The following ARPC1A variants were observed in gnomAD, a reference collection of about 807,000 sequenced individuals.
The protein encoded by ARPC1A is actin related protein 2/3 complex subunit 1A.
ARPC1A carries 8 observed loss-of-function variants against 46.9 expected under a neutral mutation model. The ratio of observed to expected loss-of-function variants is 0.17; its 90% CI spans 0.10 to 0.31. ARPC1A has a LOEUF of 0.31. Among genes scored for constraint, ARPC1A ranks in the 10% least tolerant of loss-of-function variants. The probability of loss-of-function intolerance (pLI) is 1.00; values close to 1 mark genes in which losing one functional copy is unlikely to be tolerated. For synonymous variants in ARPC1A, 152 were observed against 169.0 expected, an observed-to-expected ratio of 0.90 and a Z score of 0.78; for missense variants, 286 against 483.6, an observed-to-expected ratio of 0.59 and a Z score of 3.83.
intron 1 of ARPC1A, among the ~76,000 whole-genome samples, chr7:99,330,282 A>G (rs1793124273): frequency 1.3e-5 from 2 of 151,822 alleles, no homozygotes; most frequent in South Asian, 4.2e-4. Context: ...TTAAAGTTGC[A>G]CTTACCTTTG....
intron 1 of ARPC1A, among the ~76,000 whole-genome samples, chr7:99,329,257 T>G (rs1394229501): frequency 6.8e-6 from 1 of 147,874 alleles, no homozygotes; most frequent in Non-Finnish European, 1.5e-5. Context: ...GCCGAGATCG[T>G]GCCACTGTAC....
In ARPC1A at chr7:99,341,609, CAAA is replaced by C. The variant is rs36066986; in HGVS notation, c.170-2666_170-2664del. ...GGACAATAAGAGCAAAACTCTGTCT[CAAA>C]AAAAAAAAAAAAAAAAATTAATTGG... On this transcript the variant is annotated intron_variant, in intron 3 of 9. Coordinates refer to ENST00000262942, the MANE Select transcript of ARPC1A (RefSeq NM_006409.4). Among the ~76,000 whole-genome samples the C allele has an allele frequency of 1.5e-3, 130 of 87,344 alleles. 1 individual carries two copies. The highest frequency in any genetic ancestry group is 0.013 in the Middle Eastern group (2 of 150). 57.3% of individuals were successfully genotyped at this position (87,344 alleles called of 152,430 possible).
chr7:99,329,300 CAA>C (rs575972082), intron 1 of ARPC1A, among the ~76,000 whole-genome samples: 12 of 101,076 alleles, frequency 1.2e-4, no homozygotes, highest in Admixed American at 2.2e-4. Flanking sequence ...GACTCCGTCT[CAA>C]AAAAAAAAAA....
chr7:99,337,290 G>A (rs1035727537), intron 2 of ARPC1A, among the ~76,000 whole-genome samples: 3 of 152,044 alleles, frequency 2.0e-5, no homozygotes, highest in Non-Finnish European at 4.4e-5. Context: ...GCGTGGTGGC[G>A]CATGCCTGTA....
At chr7:99,328,912 C>T (rs1488454468) in intron 1 of ARPC1A, among the ~76,000 whole-genome samples, 2 of 151,692 alleles carry the variant, frequency 1.3e-5, no homozygotes, top group East Asian at 1.9e-4. Flanking sequence ...GATCACACCA[C>T]TGCAGTCCAG....
chr7:99,338,017 G>A (rs904555502), intron 2 of ARPC1A, among the ~76,000 whole-genome samples, 164 bp from the exon 3 acceptor site: 2 of 151,724 alleles, frequency 1.3e-5, no homozygotes, highest in African/African-American at 4.8e-5. Context: ...CCAAGTAAAG[G>A]TTAAAAAAAA....
intron 8 of ARPC1A, 151 bp downstream of exon 8, chr7:99,359,889 C>A: frequency 3.4e-6 from 3 of 890,810 alleles, no homozygotes; most frequent in East Asian, 2.7e-5. Context: ...ATCTTCCCGA[C>A]CGCCAGGCTC....
intron 1 of ARPC1A, among the ~76,000 whole-genome samples, chr7:99,328,956 A>C (rs2150856343): frequency 1.3e-5 from 2 of 151,822 alleles, no homozygotes; most frequent in East Asian, 3.9e-4. Context: ...GTCTGAGAAA[A>C]AAACTCAGAG....
chr7:99,359,472 G>A (rs1419798755), intron 7 of ARPC1A, 73 bp from the exon 8 acceptor site: 99 of 1,440,592 alleles, frequency 6.9e-5, no homozygotes, highest in Non-Finnish European at 8.9e-5. Flanking sequence ...GAGGCCTGTC[G>A]TGGTGAACAC....
At chr7:99,343,073 T>C (rs1015465902) in intron 3 of ARPC1A, among the ~76,000 whole-genome samples, 1 of 151,668 alleles carries the variant, frequency 6.6e-6, no homozygotes, top group Non-Finnish European at 1.5e-5. Flanking sequence ...TCCATATAAA[T>C]GTCAAGAATG....
At chr7:99,351,098 T>G in intron 5 of ARPC1A, among the ~76,000 whole-genome samples, 1 of 152,054 alleles carries the variant, frequency 6.6e-6, no homozygotes, top group African/African-American at 2.4e-5. Context: ...TCAAGGCACT[T>G]TATATTCTGG....
chr7:99,363,472 T>C (rs1468892983), intron 8 of ARPC1A, 71 bp from the exon 9 acceptor site: 1 of 1,098,558 alleles, frequency 9.1e-7, no homozygotes, highest in Non-Finnish European at 1.4e-6. Flanking sequence ...GCCCTTACAC[T>C]ATTAGTCAGG....
chr7:99,350,617 G>C (rs373831240), intron 5 of ARPC1A, among the ~76,000 whole-genome samples: 3 of 148,150 alleles, frequency 2.0e-5, no homozygotes, highest in African/African-American at 7.6e-5. Context: ...TGGTAGGTTG[G>C]GAGATGAGGT....
chr7:99,334,706 G>A (rs1379948841), intron 2 of ARPC1A, among the ~76,000 whole-genome samples: 1 of 152,028 alleles, frequency 6.6e-6, no homozygotes, highest in African/African-American at 2.4e-5. Context: ...TATTGAGACA[G>A]AGTCTTGCTC....
chr7:99,362,339 T>C (rs974437382), intron 8 of ARPC1A, among the ~76,000 whole-genome samples: 4,177 of 135,800 alleles, frequency 0.031, 87 homozygotes, highest in South Asian at 0.039. Flanking sequence ...CGCCCCCCTT[T>C]TTTTTTTTTT....
At chr7:99,347,147 G>A (rs75740132) in intron 4 of ARPC1A, among the ~76,000 whole-genome samples, 6,170 of 152,104 alleles carry the variant, frequency 0.041, 467 homozygotes, top group East Asian at 0.31. Context: ...ACGGCTCACT[G>A]CAGTCTCCAA....
At chr7:99,364,415 G>A (rs533054563) in intron 9 of ARPC1A, among the ~76,000 whole-genome samples, 28 of 152,056 alleles carry the variant, frequency 1.8e-4, no homozygotes, top group African/African-American at 6.5e-4. Context: ...TGGGATTACA[G>A]ACATGTGCCA....
At chr7:99,362,336 C>CCCCTT in intron 8 of ARPC1A, among the ~76,000 whole-genome samples, 1 of 129,634 alleles carries the variant, frequency 7.7e-6, no homozygotes, top group South Asian at 2.7e-4. Flanking sequence ...CCCCGCCCCC[C>CCCCTT]TTTTTTTTTT....
At chr7:99,344,546 C>T (rs1203662196) in intron 4 of ARPC1A, 31 bp downstream of exon 4, 4 of 1,605,792 alleles carry the variant, frequency 2.5e-6, no homozygotes, top group South Asian at 1.1e-5. Context: ...TTCTATCCCT[C>T]TCTATAGAAT....
Sources: gnomAD v4.1 joint callset for allele counts (sites outside exome capture counted in the v4.1 genomes callset) on GRCh38, gnomAD v4.1.1 for gene constraint, MANE v1.5 for transcripts, NCBI Gene and HGNC (gene_info 2026-07-23, HGNC 2026-07-21) for gene names.